The following SEMA6D variants were observed in gnomAD, a reference collection of about 807,000 sequenced individuals.
The protein encoded by SEMA6D is semaphorin-6D.
In SEMA6D, 35 loss-of-function variants were observed where a neutral mutation model predicts 106.6. The ratio of observed to expected loss-of-function variants is 0.33; its 90% CI spans 0.25 to 0.44. The LOEUF (loss-of-function observed/expected upper bound fraction) is 0.44. Ranked by LOEUF, SEMA6D falls within the 20% of genes least tolerant of loss-of-function variation. The probability of loss-of-function intolerance (pLI) is 1.00; values close to 1 mark genes in which losing one functional copy is unlikely to be tolerated. For missense variants in SEMA6D, 1,185 were observed against 1,345.9 expected (o/e 0.88, Z 1.87); for synonymous variants, 499 against 487.7 (o/e 1.02, Z -0.31).
chr15:47,497,894 C>T (rs545624996), intron 3 of SEMA6D, among the ~76,000 whole-genome samples: 1 of 152,212 alleles, frequency 6.6e-6, no homozygotes, highest in African/African-American at 2.4e-5. Flanking sequence ...GTAGGTTCTA[C>T]TTCTGCAGAG....
chr15:47,576,278 A>G (rs752555264), intron 3 of SEMA6D, among the ~76,000 whole-genome samples: 1 of 152,236 alleles, frequency 6.6e-6, no homozygotes, highest in East Asian at 1.9e-4. Context: ...CCACAGTCCA[A>G]ATGCAGCTGA....
chr15:47,389,325 A>T (rs866198706), intron 1 of SEMA6D, among the ~76,000 whole-genome samples: 1 of 152,150 alleles, frequency 6.6e-6, no homozygotes, highest in Admixed American at 6.5e-5. Context: ...CACCTTAAGG[A>T]GACTTTGACA....
At chr15:47,455,306 C>T (rs2042315099) in intron 2 of SEMA6D, among the ~76,000 whole-genome samples, 1 of 151,896 alleles carries the variant, frequency 6.6e-6, no homozygotes, top group Non-Finnish European at 1.5e-5. Flanking sequence ...TTAGAAAATA[C>T]AAGATTCAAT....
intron 1 of SEMA6D, among the ~76,000 whole-genome samples, chr15:47,313,652 A>T (rs2036529572): frequency 6.6e-6 from 1 of 152,088 alleles, no homozygotes; most frequent in South Asian, 2.1e-4. Context: ...GTAACATCAA[A>T]TTCCTGGGCT....
At chr15:47,308,669 C>T (rs546570644) in intron 1 of SEMA6D, among the ~76,000 whole-genome samples, 16 of 152,268 alleles carry the variant, frequency 1.1e-4, no homozygotes, top group South Asian at 4.1e-4. Context: ...TTGTGTTGAG[C>T]TCTTCATGCA....
Position 47,502,698 on chromosome 15 carries a change from T to C in SEMA6D, c.-87+32153T>C, listed in dbSNP as rs185165457. Among the ~76,000 whole-genome samples the C allele has an allele frequency of 6.0e-4, 92 of 152,316 alleles. 1 individual carries two copies. Among genetic ancestry groups the C allele is most frequent in the Non-Finnish European group, 6.8e-4 (46 of 68,032 alleles). ...CTTTTGTAGCAAATTTTCAAACTCA[T>C]TTAGATCATAAAAATGTCCACTGGG... is the stretch of plus-strand genomic sequence containing the variant. On this transcript the variant is annotated intron_variant, in intron 3 of 19. Coordinates refer to the SEMA6D transcript ENST00000558014.
At chr15:47,307,625 A>T (rs1443423989) in intron 1 of SEMA6D, among the ~76,000 whole-genome samples, 1 of 152,178 alleles carries the variant, frequency 6.6e-6, no homozygotes, top group Non-Finnish European at 1.5e-5. Context: ...AAAGTGGGGA[A>T]TTCAGTGACC....
chr15:47,374,977 C>A (rs2039400276), intron 1 of SEMA6D, among the ~76,000 whole-genome samples: 1 of 152,184 alleles, frequency 6.6e-6, no homozygotes, highest in African/African-American at 2.4e-5. Context: ...ACTTACTACT[C>A]TTTTTCTTGT....
chr15:47,768,648 T>C lies in SEMA6D; in HGVS notation c.1833T>C (p.Ile611=). Reference sequence around the variant, plus strand: ...TCCCAGAAATCACACCTAAAGTGATTGATACCTGGAGACCTAAACTGACAA... The same window carrying C: ...TCCCAGAAATCACACCTAAAGTGATCGATACCTGGAGACCTAAACTGACAA... ...ASIPEITPKV[I]DTWRPKLTSS... The change falls in exon 18 of 19, where the codon ATT becomes ATC. Residue 611 remains isoleucine, a synonymous_variant. Coordinates refer to ENST00000536845, the MANE Select transcript of SEMA6D (RefSeq NM_001358351.3). The C allele has an allele frequency of 6.2e-7, 1 of 1,613,666 alleles. No individual in the cohort carries two copies. The highest frequency in any genetic ancestry group is 8.5e-7 in the Non-Finnish European group (1 of 1,179,662).
At chr15:47,605,288 G>A (rs1161002687) in intron 4 of SEMA6D, 2 of 152,062 alleles carry the variant, frequency 1.3e-5, no homozygotes, top group African/African-American at 2.4e-5. Context: ...TTACATGTTC[G>A]CCTCTCCATA....
chr15:47,205,600 G>A (rs1895007898), intron 1 of SEMA6D, among the ~76,000 whole-genome samples: 1 of 151,996 alleles, frequency 6.6e-6, no homozygotes, highest in Non-Finnish European at 1.5e-5. Flanking sequence ...GGGAGGTTCT[G>A]GTAAAAAATG....
chr15:47,252,058 G>A (rs1483853445), intron 1 of SEMA6D, among the ~76,000 whole-genome samples: 2 of 149,234 alleles, frequency 1.3e-5, no homozygotes, highest in Non-Finnish European at 3.0e-5. Context: ...TGGGACTACA[G>A]GCGCCCGCTA....
chr15:47,412,269 T>C (rs922166114), intron 1 of SEMA6D: 1 of 152,132 alleles, frequency 6.6e-6, no homozygotes, highest in Non-Finnish European at 1.5e-5. Flanking sequence ...GTTTAAGAGG[T>C]CTTATCATTA....
At chr15:47,567,036 G>T (rs1359773364) in intron 3 of SEMA6D, among the ~76,000 whole-genome samples, 1 of 152,190 alleles carries the variant, frequency 6.6e-6, no homozygotes, top group Non-Finnish European at 1.5e-5. Context: ...GCTGAAATTT[G>T]TTGTTTGGAA....
intron 4 of SEMA6D, among the ~76,000 whole-genome samples, chr15:47,647,344 G>T (rs1452075607): frequency 6.6e-6 from 1 of 152,188 alleles, no homozygotes; most frequent in African/African-American, 2.4e-5. Flanking sequence ...TCTGTCAAGT[G>T]CTATTGAAGC....
At chr15:47,582,663 G>C (rs11630578) in intron 3 of SEMA6D, among the ~76,000 whole-genome samples, 37,959 of 152,032 alleles carry the variant, frequency 0.25, 5,586 homozygotes, top group East Asian at 0.46. Flanking sequence ...CATGTCTCTT[G>C]TCTCTAGAAG....
chr15:47,347,183 C>T (rs896069060), intron 1 of SEMA6D, among the ~76,000 whole-genome samples: 2 of 152,216 alleles, frequency 1.3e-5, no homozygotes, highest in African/African-American at 4.8e-5. Context: ...GCTGGGATTA[C>T]AGGCATGAGC....
At chr15:47,631,020 C>T (rs942306741) in intron 4 of SEMA6D, among the ~76,000 whole-genome samples, 15 of 151,918 alleles carry the variant, frequency 9.9e-5, no homozygotes, top group African/African-American at 3.6e-4. Context: ...ATAGATTTTA[C>T]ATCAGAGTCC....
chr15:47,471,712 TGGG>T (rs1437207530), intron 3 of SEMA6D, among the ~76,000 whole-genome samples: 1 of 152,014 alleles, frequency 6.6e-6, no homozygotes, highest in Non-Finnish European at 1.5e-5. Flanking sequence ...CTGGGCCTAG[TGGG>T]AGGAGCTAGA....
Sources: allele counts gnomAD v4.1 joint callset (sites outside exome capture counted in the v4.1 genomes callset), GRCh38; gene constraint gnomAD v4.1.1; transcripts MANE v1.5; gene names NCBI Gene and HGNC (gene_info 2026-07-23, HGNC 2026-07-21).